Variants in PPFIA2 observed in about 807,000 individuals in gnomAD.
PPFIA2 encodes liprin-alpha-2.
In PPFIA2, 46 loss-of-function variants were observed where a neutral mutation model predicts 175.5. The observed-to-expected ratio is 0.26, with a 90% CI of 0.21 to 0.34. The LOEUF is 0.34. PPFIA2 is among the 10% of genes least tolerant of loss of function. PPFIA2 has a pLI of 1.00. For missense variants in PPFIA2, 1,179 were observed against 1,506.1 expected (o/e 0.78, Z 3.60); for synonymous variants, 568 against 511.4 (o/e 1.11, Z -1.49).
intron 4 of PPFIA2, among the ~76,000 whole-genome samples, chr12:81,637,161 C>G (rs972837110): frequency 1.4e-5 from 2 of 148,090 alleles, no homozygotes; most frequent in African/African-American, 5.0e-5. Flanking sequence ...CCTCTGTCTC[C>G]TGGGTTCAAG....
chr12:81,510,602 T>C (rs554743032), intron 4 of PPFIA2, among the ~76,000 whole-genome samples: 1 of 152,134 alleles, frequency 6.6e-6, no homozygotes, highest in South Asian at 2.1e-4. Flanking sequence ...ACAAAGGAGA[T>C]ATGGAAAGTC....
rs1272235426 is a variant in PPFIA2 at position 81,755,933 on chromosome 12, T to TG, written c.-2-1711_-2-1710insC. Among the ~76,000 whole-genome samples, 17 of 152,308 alleles carry TG rather than the reference T, an allele frequency of 1.1e-4. No homozygotes were observed. The East Asian group carries it at 2.5e-3, about 22-fold the overall frequency. On this transcript the variant is annotated intron_variant, in intron 2 of 32. Coordinates refer to ENST00000549396, the MANE Select transcript of PPFIA2 (RefSeq NM_003625.5). ...GATAAAACTGTTTCTTGCATTTATC[T>TG]CAATTTGATTTTCATTCAAAGACTA...
chr12:81,531,950 A>G (rs920700644), intron 4 of PPFIA2, among the ~76,000 whole-genome samples: 3 of 151,856 alleles, frequency 2.0e-5, no homozygotes, highest in African/African-American at 4.8e-5. Context: ...TTTGATATTA[A>G]TTAGAAAATA....
intron 3 of PPFIA2, among the ~76,000 whole-genome samples, chr12:81,742,670 A>G (rs1489370035): frequency 1.3e-5 from 2 of 152,232 alleles, no homozygotes; most frequent in Non-Finnish European, 2.9e-5. Flanking sequence ...TGATATTTAA[A>G]GCCAGCAGAT....
chr12:81,447,455 C>T (rs2051505115), intron 5 of PPFIA2, among the ~76,000 whole-genome samples: 1 of 152,156 alleles, frequency 6.6e-6, no homozygotes, highest in Non-Finnish European at 1.5e-5. Context: ...CCAAAGCACT[C>T]CTTCTTTGGT....
At chr12:81,617,627 A>C (rs2061540613) in intron 4 of PPFIA2, among the ~76,000 whole-genome samples, 1 of 152,204 alleles carries the variant, frequency 6.6e-6, no homozygotes, top group Non-Finnish European at 1.5e-5. Flanking sequence ...TCCACAGCCT[A>C]TAAGCTGTAC....
At chr12:81,271,329 GGCATGATCTCTGCTTACT>G (rs1161244305) in intron 28 of PPFIA2, among the ~76,000 whole-genome samples, 1 of 152,084 alleles carries the variant, frequency 6.6e-6, no homozygotes, top group Non-Finnish European at 1.5e-5. Flanking sequence ...GGAGTGCAAT[GGCATGATCTCTGCTTACT>G]GCAACCTCTG....
intron 4 of PPFIA2, among the ~76,000 whole-genome samples, chr12:81,504,416 G>C (rs1326056635): frequency 6.6e-6 from 1 of 152,116 alleles, no homozygotes; most frequent in Non-Finnish European, 1.5e-5. Flanking sequence ...CTGGTCATTA[G>C]AGAAATGCAA....
chr12:81,728,978 A>G (rs1026355011), intron 3 of PPFIA2, among the ~76,000 whole-genome samples: 3 of 151,462 alleles, frequency 2.0e-5, no homozygotes, highest in African/African-American at 7.3e-5. Flanking sequence ...TAATAAAACC[A>G]CATATTTATA....
chr12:81,653,939 GAT>G (rs1295116650), intron 4 of PPFIA2, among the ~76,000 whole-genome samples: 5 of 151,848 alleles, frequency 3.3e-5, no homozygotes, highest in African/African-American at 1.2e-4. Context: ...ACTAAATATA[GAT>G]ATGAGTAAAC....
chr12:81,627,700 A>G (rs1476142339), intron 4 of PPFIA2, among the ~76,000 whole-genome samples: 4 of 152,186 alleles, frequency 2.6e-5, no homozygotes, highest in Non-Finnish European at 5.9e-5. Flanking sequence ...TTCATGATCC[A>G]AGTTACCTAA....
At chr12:81,341,456 T>TGA (rs2058062370) in intron 19 of PPFIA2, among the ~76,000 whole-genome samples, 2 of 152,090 alleles carry the variant, frequency 1.3e-5, no homozygotes, top group South Asian at 4.1e-4. Context: ...GTTTGATTAA[T>TGA]AAACACCATA....
chr12:81,666,110 A>G (rs2070198714), intron 4 of PPFIA2, among the ~76,000 whole-genome samples: 1 of 152,140 alleles, frequency 6.6e-6, no homozygotes, highest in African/African-American at 2.4e-5. Flanking sequence ...GTCAGGAAAC[A>G]ACAGGTGCTG....
chr12:81,655,602 GTTA>G (rs2067673049), intron 4 of PPFIA2, among the ~76,000 whole-genome samples: 1 of 151,742 alleles, frequency 6.6e-6, no homozygotes, highest in South Asian at 2.1e-4. Flanking sequence ...GCACTTTTTA[GTTA>G]TTATTTTTAA....
chr12:81,684,990 T>C (rs1025196880), intron 3 of PPFIA2, among the ~76,000 whole-genome samples: 8 of 152,030 alleles, frequency 5.3e-5, no homozygotes, highest in Admixed American at 2.0e-4. Flanking sequence ...GTACAATCAA[T>C]AAATCAATGC....
intron 4 of PPFIA2, among the ~76,000 whole-genome samples, chr12:81,530,018 A>G (rs1198508702): frequency 6.6e-6 from 1 of 152,032 alleles, no homozygotes; most frequent in Non-Finnish European, 1.5e-5. Context: ...ACAATGCTAT[A>G]AACTAAAATA....
At chr12:81,286,918 T>C (rs1311896418) in intron 24 of PPFIA2, among the ~76,000 whole-genome samples, 2 of 152,036 alleles carry the variant, frequency 1.3e-5, no homozygotes, top group Non-Finnish European at 2.9e-5. Flanking sequence ...AAAAGTCCCT[T>C]CCTTGTATTC....
At chr12:81,377,518 A>G (rs952261061) in intron 9 of PPFIA2, among the ~76,000 whole-genome samples, 3 of 151,146 alleles carry the variant, frequency 2.0e-5, no homozygotes, top group Non-Finnish European at 2.9e-5. Context: ...GCACCACTGC[A>G]CTCCAGCCTG....
intron 9 of PPFIA2, among the ~76,000 whole-genome samples, chr12:81,376,315 A>G (rs1354205265): frequency 6.6e-6 from 1 of 152,196 alleles, no homozygotes; most frequent in Admixed American, 6.6e-5. Flanking sequence ...AATGGTGGCT[A>G]CAGTTCTAAA....
Sources: allele counts gnomAD v4.1 joint callset (sites outside exome capture counted in the v4.1 genomes callset), GRCh38; gene constraint gnomAD v4.1.1; transcripts MANE v1.5; gene names NCBI Gene and HGNC (gene_info 2026-07-23, HGNC 2026-07-21).